RAE1: variants seen among roughly 807,000 people sequenced by gnomAD.
RAE1 encodes the protein mRNA export factor RAE1.
RAE1 carries 13 observed loss-of-function variants against 52.7 expected under a neutral mutation model. The observed-to-expected ratio is 0.25, with a 90% CI of 0.16 to 0.39. The LOEUF is 0.39. RAE1 is among the 10% of genes least tolerant of loss of function. RAE1 has a pLI of 1.00. For synonymous variants in RAE1, 164 were observed against 153.1 expected, an observed-to-expected ratio of 1.07 and a Z score of -0.52; for missense variants, 262 against 459.8, an observed-to-expected ratio of 0.57 and a Z score of 3.93.
At chr20:57,357,990 G>A (rs887946952) in intron 4 of RAE1, 3 of 149,998 alleles carry the variant, frequency 2.0e-5, no homozygotes, top group African/African-American at 7.6e-5. Context: ...GCGCTGATTA[G>A]TGCATATTTT....
intron 11 of RAE1, among the ~76,000 whole-genome samples, chr20:57,375,473 G>A (rs987280531): frequency 6.6e-6 from 1 of 152,000 alleles, no homozygotes; most frequent in Non-Finnish European, 1.5e-5. Flanking sequence ...GGCTTCCAGT[G>A]GCCTGCAGTG....
chr20:57,367,494 GCAC>G (rs1399983422), intron 7 of RAE1, among the ~76,000 whole-genome samples: 1 of 152,006 alleles, frequency 6.6e-6, no homozygotes, highest in African/African-American at 2.4e-5. Context: ...TATAATCCTA[GCAC>G]TTTGGGAGGC....
intron 4 of RAE1, chr20:57,358,454 G>A (rs1399883545): frequency 6.6e-6 from 1 of 152,366 alleles, no homozygotes; most frequent in Admixed American, 6.5e-5. Context: ...AACAAACCCT[G>A]TTCTTGGGTA....
At chr20:57,355,592 A>C (rs1246995054) in intron 3 of RAE1, among the ~76,000 whole-genome samples, 1 of 152,194 alleles carries the variant, frequency 6.6e-6, no homozygotes, top group East Asian at 1.9e-4. Context: ...AATGTACTTC[A>C]TCTGCATTAT....
rs1347784028 is a variant in RAE1 at position 57,368,859 on chromosome 20, A to G, written c.642+47A>G. The G allele has an allele frequency of 3.4e-6, 5 of 1,458,552 alleles. No homozygotes were observed. In the East Asian group the frequency reaches 9.3e-5, roughly 27 times the overall value. 90.4% of individuals were successfully genotyped at this position (1,458,552 alleles called of 1,614,324 possible). A position where few individuals can be genotyped will look rare whatever the true frequency, so the allele number is the denominator to read the frequency against. On this transcript the variant is annotated intron_variant, in intron 8 of 11. Transcript: ENST00000395841. Reference sequence around the variant, plus strand: ...GAAGTATGTATTTAGCACCTGTTGTATGCAAGATTGTGCTCACATCTGGAA... The same window carrying G: ...GAAGTATGTATTTAGCACCTGTTGTGTGCAAGATTGTGCTCACATCTGGAA...
At position 57,378,010 on chromosome 20, in the gene RAE1, T is replaced by C. The variant is rs368196172; in HGVS notation, c.1021-3T>C. Reference sequence around the variant, plus strand: ...GATCATTGGTGTTTTTTGCTCTCTTTAGGGACATGAATTTTATAATCCCCA... The same window carrying C: ...GATCATTGGTGTTTTTTGCTCTCTTCAGGGACATGAATTTTATAATCCCCA... On this transcript the variant is annotated splice_region_variant and splice_polypyrimidine_tract_variant and intron_variant, in intron 11 of 11. Transcript: ENST00000395841. The C allele has an allele frequency of 9.8e-5, 158 of 1,606,082 alleles. No individual in the cohort carries two copies. The highest frequency in any genetic ancestry group is 1.1e-4 in the Non-Finnish European group (130 of 1,173,280).
intron 1 of RAE1, among the ~76,000 whole-genome samples, chr20:57,352,984 T>C (rs2066732906): frequency 6.6e-6 from 1 of 152,236 alleles, no homozygotes; most frequent in African/African-American, 2.4e-5. Flanking sequence ...GCTCTGACCT[T>C]TTGTTCTGCA....
rs1316417927 is a variant in RAE1 at position 57,365,251 on chromosome 20, G to A, written c.289-105G>A. 3 of 720,744 alleles carry A rather than the reference G, an allele frequency of 4.2e-6. No individual in the cohort carries two copies. The African/African-American group carries it at 5.5e-5, about 13-fold the overall frequency. 44.6% of individuals were successfully genotyped at this position (720,744 alleles called of 1,614,324 possible). On this transcript the variant is annotated intron_variant, in intron 4 of 11. Coordinates refer to ENST00000395841, the MANE Select transcript of RAE1 (RefSeq NM_003610.4). Reference sequence around the variant, plus strand: ...GTCCCCAAACAATTGGAAAAATAAAGATTGCCAAAGTTTGCCTCAATATGT... The same window carrying A: ...GTCCCCAAACAATTGGAAAAATAAAAATTGCCAAAGTTTGCCTCAATATGT...
At chr20:57,354,597 CAGTT>C (rs1600703478) in intron 2 of RAE1, 111 bp from the exon 3 acceptor site, 4 of 644,456 alleles carry the variant, frequency 6.2e-6, no homozygotes, top group East Asian at 3.2e-5. Flanking sequence ...AGGTCTAATT[CAGTT>C]AGTTCTTGTA....
Position 57,351,277 on chromosome 20 carries a change from T to C in RAE1, c.-153T>C, listed in dbSNP as rs2066704519. On this transcript the variant is annotated 5_prime_UTR_variant, in exon 1 of 12. Transcript: ENST00000395841. The stretch of plus-strand genomic sequence containing the variant: ...GTTGTTTCCGCGGTAGTCAGGGCAG[T>C]TTCTACCGCAGGCTTAAGGAGGCTT... The C allele has an allele frequency of 6.1e-6, 6 of 985,422 alleles. No individual in the cohort carries two copies. Among genetic ancestry groups the C allele is most frequent in the Non-Finnish European group, 7.2e-6 (6 of 829,914 alleles). The allele number at this position is 985,422 out of a possible 1,614,324, so 61.0% of individuals were successfully genotyped here.
At chr20:57,363,462 A>G (rs962233551) in intron 4 of RAE1, among the ~76,000 whole-genome samples, 1 of 152,174 alleles carries the variant, frequency 6.6e-6, no homozygotes, top group Non-Finnish European at 1.5e-5. Flanking sequence ...GCAGTGATCC[A>G]TGATGACACC....
Position 57,377,650 on chromosome 20 carries a change from C to T in RAE1, c.1021-363C>T, listed in dbSNP as rs192508118. 3.9e-5 allele frequency among the ~76,000 whole-genome samples: 6 copies of T among 152,288 alleles called. No individual in the cohort carries two copies. The East Asian group carries it at 9.6e-4, about 24-fold the overall frequency. The stretch of plus-strand genomic sequence containing the variant: ...CATGATACCCCGCAGGTCAGATGTC[C>T]TCCTTTCTGTGAAGCATTCTCAGGT... On this transcript the variant is annotated intron_variant, in intron 11 of 11. Coordinates refer to ENST00000395841, the MANE Select transcript of RAE1 (RefSeq NM_003610.4).
chr20:57,351,395 C>T lies in RAE1; in HGVS notation c.-35C>T. 2.0e-6 allele frequency: 2 copies of T among 985,512 alleles called. No homozygotes were observed. Among genetic ancestry groups the T allele is most frequent in the Non-Finnish European group, 2.4e-6 (2 of 829,994 alleles). The allele number at this position is 985,512 out of a possible 1,614,324, so 61.0% of individuals were successfully genotyped here. Reference sequence around the variant, plus strand: ...CCTCAGACCCTTCTGCTCCCGGCCGCCGCTTTCCGCCGGGGCGAGACCCCC... The same window carrying T: ...CCTCAGACCCTTCTGCTCCCGGCCGTCGCTTTCCGCCGGGGCGAGACCCCC... On this transcript the variant is annotated 5_prime_UTR_variant, in exon 1 of 12. Transcript: ENST00000395841.
intron 5 of RAE1, 112 bp from the exon 6 acceptor site, chr20:57,366,695 G>T: frequency 9.5e-7 from 1 of 1,050,934 alleles, no homozygotes; most frequent in South Asian, 1.4e-5. Context: ...GTTTTTGTTT[G>T]GTATGGCCCC....
chr20:57,371,987 G>A (rs1421776639), intron 8 of RAE1: 2 of 152,278 alleles, frequency 1.3e-5, no homozygotes, highest in African/African-American at 4.8e-5. Context: ...GAAGTAAAGG[G>A]TGGAATGGCG....
intron 1 of RAE1, chr20:57,351,811 C>G (rs988593336): frequency 3.1e-5 from 31 of 985,396 alleles, no homozygotes; most frequent in Admixed American, 6.1e-5. Flanking sequence ...TGCTCCATTT[C>G]TTTCGTAGCA....
chr20:57,378,302 T>TTGCAGAG lies in RAE1; in HGVS notation c.*204_*205insGCAGAGT. 1.9e-6 allele frequency: 1 copy of TTGCAGAG among 529,118 alleles called. No homozygotes were observed. The highest frequency in any genetic ancestry group is 3.4e-6 in the Non-Finnish European group (1 of 295,834). The allele number at this position is 529,118 out of a possible 1,614,324, so 32.8% of individuals were successfully genotyped here. On this transcript the variant is annotated 3_prime_UTR_variant, in exon 12 of 12. Transcript: ENST00000395841. Reference sequence around the variant, plus strand: ...CTCCATTCCACTGCCTGTTGCAGAGTTTTTCTGTAACTAAGGGGGTTGAGG... The same window carrying TTGCAGAG: ...CTCCATTCCACTGCCTGTTGCAGAGTTGCAGAGTTTTCTGTAACTAAGGGGGTTGAGG...
At chr20:57,359,080 C>T in intron 4 of RAE1, 1 of 1,409,994 alleles carries the variant, frequency 7.1e-7, no homozygotes, top group Non-Finnish European at 9.4e-7. Context: ...ATTATGCTAC[C>T]TTCGCACGGT....
chr20:57,374,214 G>A (rs144714318), intron 10 of RAE1, among the ~76,000 whole-genome samples: 19 of 152,352 alleles, frequency 1.2e-4, no homozygotes, highest in African/African-American at 4.3e-4. Flanking sequence ...CTAACTAGCA[G>A]TGTTGTGTAT....
Sources: allele counts gnomAD v4.1 joint callset (sites outside exome capture counted in the v4.1 genomes callset), GRCh38; gene constraint gnomAD v4.1.1; transcripts MANE v1.5; gene names NCBI Gene and HGNC (gene_info 2026-07-23, HGNC 2026-07-21).